FRAS1: variants seen among roughly 807,000 people sequenced by gnomAD.
FRAS1 encodes the protein extracellular matrix organizing protein FRAS1.
Under a neutral mutation model 435.2 loss-of-function variants are expected in FRAS1, and 290 were observed. That is an observed-to-expected ratio of 0.67 (90% CI 0.61 to 0.73). The LOEUF (loss-of-function observed/expected upper bound fraction) is 0.73, where lower values mean the gene tolerates loss of function less well. Ranked by LOEUF, FRAS1 falls within the 30% of genes least tolerant of loss-of-function variation. FRAS1 has a pLI of 0.00. For missense variants in FRAS1, 4,860 were observed against 5,001.5 expected, an observed-to-expected ratio of 0.97 and a Z score of 0.85; for synonymous variants, 1,800 against 1,851.0, an observed-to-expected ratio of 0.97 and a Z score of 0.71.
chr4:78,521,124 A>C (rs1181059261), intron 67 of FRAS1, among the ~76,000 whole-genome samples: 1 of 152,202 alleles, frequency 6.6e-6, no homozygotes, highest in East Asian at 1.9e-4. Context: ...GACTTTGTTT[A>C]TACCTCTGTT....
intron 2 of FRAS1, among the ~76,000 whole-genome samples, chr4:78,202,666 G>T (rs1362913397): frequency 6.6e-6 from 1 of 152,144 alleles, no homozygotes; most frequent in African/African-American, 2.4e-5. Flanking sequence ...ACTTCAACCT[G>T]GGTGACAGAG....
intron 2 of FRAS1, among the ~76,000 whole-genome samples, chr4:78,219,403 G>T (rs1296974620): frequency 6.6e-6 from 1 of 152,114 alleles, no homozygotes; most frequent in Non-Finnish European, 1.5e-5. Flanking sequence ...CTTATAAACA[G>T]TGGAAGTAGA....
intron 2 of FRAS1, among the ~76,000 whole-genome samples, chr4:78,122,098 G>A (rs1300692989): frequency 1.3e-5 from 2 of 152,126 alleles, no homozygotes; most frequent in Non-Finnish European, 2.9e-5. Flanking sequence ...ACCTGCATTA[G>A]GTATTTCTCC....
chr4:78,266,898 G>A lies in FRAS1; in HGVS notation c.752G>A (p.Cys251Tyr). 1.2e-6 allele frequency: 2 copies of A among 1,608,102 alleles called. No homozygotes were observed. Among genetic ancestry groups the A allele is most frequent in the Non-Finnish European group, 1.7e-6 (2 of 1,177,230 alleles). The change falls in exon 8 of 74, where the codon TGT becomes TAT. Residue 251 changes from cysteine (C) to tyrosine (Y), a missense_variant. Coordinates refer to ENST00000512123, the MANE Select transcript of FRAS1 (RefSeq NM_025074.7). ...TCICDRGEVR[C>Y]HKQACLPLRC... ...ATATGTGACCGGGGTGAGGTCAGGT[G>A]TCACAAGCAGGCCTGCCTGCCCCTG...
intron 2 of FRAS1, among the ~76,000 whole-genome samples, chr4:78,082,135 C>T (rs913191064): frequency 6.6e-5 from 10 of 152,196 alleles, no homozygotes; most frequent in East Asian, 1.9e-4. Flanking sequence ...AGAACTATGA[C>T]GTCCCTCTCT....
intron 65 of FRAS1, among the ~76,000 whole-genome samples, chr4:78,514,200 C>T (rs1276115158): frequency 6.6e-6 from 1 of 152,230 alleles, no homozygotes; most frequent in African/African-American, 2.4e-5. Flanking sequence ...TTATAGCCTA[C>T]CTAGCTAAGT....
chr4:78,233,052 C>G (rs571430903), intron 2 of FRAS1, among the ~76,000 whole-genome samples: 1 of 152,324 alleles, frequency 6.6e-6, no homozygotes, highest in Admixed American at 6.5e-5. Context: ...ATACTGTTTA[C>G]AGTTTAGTAA....
At chr4:78,366,275 T>G (rs1390500840) in intron 22 of FRAS1, among the ~76,000 whole-genome samples, 1 of 152,172 alleles carries the variant, frequency 6.6e-6, no homozygotes, top group Non-Finnish European at 1.5e-5. Context: ...CCATAGTGCT[T>G]TGGTATTGGA....
intron 18 of FRAS1, among the ~76,000 whole-genome samples, chr4:78,328,370 T>C (rs1481779883): frequency 6.6e-6 from 1 of 152,228 alleles, no homozygotes; most frequent in Non-Finnish European, 1.5e-5. Flanking sequence ...TCTTGTAAAG[T>C]CTGATATAAA....
At chr4:78,404,829 CT>C (rs1733039597) in intron 30 of FRAS1, among the ~76,000 whole-genome samples, 1 of 152,294 alleles carries the variant, frequency 6.6e-6, no homozygotes, top group Non-Finnish European at 1.5e-5. Context: ...GTTGTTACCA[CT>C]TTTATAGAAT....
At chr4:78,140,805 G>T in intron 2 of FRAS1, among the ~76,000 whole-genome samples, 1 of 151,530 alleles carries the variant, frequency 6.6e-6, no homozygotes, top group Non-Finnish European at 1.5e-5. Flanking sequence ...TATATATGAT[G>T]GAATACTACT....
At chr4:78,116,523 G>T (rs1743189200) in intron 2 of FRAS1, among the ~76,000 whole-genome samples, 1 of 152,152 alleles carries the variant, frequency 6.6e-6, no homozygotes, top group African/African-American at 2.4e-5. Flanking sequence ...CCTGTATTGG[G>T]TTCATATATA....
chr4:78,118,957 G>T (rs1464548292), intron 2 of FRAS1, among the ~76,000 whole-genome samples: 1 of 152,056 alleles, frequency 6.6e-6, no homozygotes, highest in Non-Finnish European at 1.5e-5. Flanking sequence ...AGCCATCTTG[G>T]CTCCACCACC....
At chr4:78,473,314 T>C (rs1411248470) in intron 52 of FRAS1, 124 bp from the exon 53 acceptor site, 3 of 681,532 alleles carry the variant, frequency 4.4e-6, no homozygotes, top group Non-Finnish European at 7.3e-6. Context: ...ATACTTTTGG[T>C]GCTTGGAAAA....
chr4:78,535,873 C>T (rs1721864676), intron 71 of FRAS1, among the ~76,000 whole-genome samples: 1 of 152,152 alleles, frequency 6.6e-6, no homozygotes, highest in African/African-American at 2.4e-5. Context: ...CCCCAGGAGC[C>T]TCTCCTGCCA....
intron 2 of FRAS1, among the ~76,000 whole-genome samples, chr4:78,081,959 G>C (rs1001637235): frequency 3.3e-5 from 5 of 152,026 alleles, no homozygotes; most frequent in African/African-American, 1.2e-4. Flanking sequence ...TGCTCTTCTT[G>C]TTTAAATTCT....
chr4:78,489,078 A>G lies in FRAS1; in HGVS notation c.8956A>G (p.Lys2986Glu). ...SSRITFLKGD[K>E]VKNCTVYIHD... ...ACGGATTACATTTCTCAAAGGGGAC[A>G]AAGTAAGTGGATTGGTGGTGGCTGA... The change falls in exon 59 of 74, where the codon AAA becomes GAA. Residue 2986 changes from lysine to glutamate, a missense_variant and splice_region_variant. Transcript: ENST00000512123. 6.2e-7 allele frequency: 1 copy of G among 1,611,068 alleles called. No homozygotes were observed. The highest frequency in any genetic ancestry group is 8.5e-7 in the Non-Finnish European group (1 of 1,178,822).
intron 28 of FRAS1, 91 bp downstream of exon 28, chr4:78,384,234 A>G: frequency 1.1e-6 from 1 of 902,358 alleles, no homozygotes; most frequent in Non-Finnish European, 1.7e-6. Context: ...AATGAAAATT[A>G]TTGCATTAAA....
At chr4:78,360,694 A>G (rs995700038) in intron 20 of FRAS1, among the ~76,000 whole-genome samples, 1 of 152,262 alleles carries the variant, frequency 6.6e-6, no homozygotes, top group Middle Eastern at 3.4e-3. Context: ...ACTTCAGAAG[A>G]GTAATAAGGG....
Sources: allele counts gnomAD v4.1 joint callset (sites outside exome capture counted in the v4.1 genomes callset), GRCh38; gene constraint gnomAD v4.1.1; transcripts MANE v1.5; gene names NCBI Gene and HGNC (gene_info 2026-07-23, HGNC 2026-07-21).